The following GRIK1 variants were observed in gnomAD, a reference collection of about 807,000 sequenced individuals.
The protein encoded by GRIK1 is glutamate ionotropic receptor kainate type subunit 1, also known as glutamate receptor ionotropic, kainate 1.
A neutral mutation model predicts 105.7 loss-of-function variants in GRIK1; 69 were observed. The ratio of observed to expected loss-of-function variants is 0.65; its 90% confidence interval spans 0.54 to 0.80. The LOEUF (loss-of-function observed/expected upper bound fraction) is 0.80, where lower values mean the gene tolerates loss of function less well. GRIK1 is among the 30% of genes least tolerant of loss of function. The pLI, the probability that GRIK1 is intolerant of heterozygous loss-of-function variation, is 0.00. For synonymous variants in GRIK1, 438 were observed against 431.3 expected, an observed-to-expected ratio of 1.02 and a Z score of -0.19; for missense variants, 1,109 against 1,167.3, an observed-to-expected ratio of 0.95 and a Z score of 0.73.
chr21:29,853,088 A>T (rs1249293783), intron 1 of GRIK1, among the ~76,000 whole-genome samples: 1 of 152,222 alleles, frequency 6.6e-6, no homozygotes, highest in Non-Finnish European at 1.5e-5. Flanking sequence ...GCCTCACTGA[A>T]CAATTTAAGT....
intron 1 of GRIK1, among the ~76,000 whole-genome samples, chr21:29,859,585 G>T (rs1168987142): frequency 6.6e-6 from 1 of 152,186 alleles, no homozygotes; most frequent in Non-Finnish European, 1.5e-5. Context: ...GGGAAGGTAA[G>T]ACTGCAAGGC....
At chr21:29,825,337 T>C (rs1328067394) in intron 1 of GRIK1, among the ~76,000 whole-genome samples, 1 of 152,030 alleles carries the variant, frequency 6.6e-6, no homozygotes, top group Non-Finnish European at 1.5e-5. Context: ...TTGGGTGATT[T>C]AGAAGTTAGT....
At chr21:29,811,688 C>G (rs776125935) in intron 1 of GRIK1, among the ~76,000 whole-genome samples, 4 of 152,120 alleles carry the variant, frequency 2.6e-5, no homozygotes, top group Admixed American at 6.6e-5. Flanking sequence ...AGGAATCTTG[C>G]TCATCCTCAC....
chr21:29,937,616 G>A (rs898208245), intron 1 of GRIK1, among the ~76,000 whole-genome samples: 1 of 152,112 alleles, frequency 6.6e-6, no homozygotes, highest in Non-Finnish European at 1.5e-5. Flanking sequence ...TATAGGAAAG[G>A]AAAATGCTAC....
chr21:29,844,155 T>A (rs1458997513), intron 1 of GRIK1, among the ~76,000 whole-genome samples: 1 of 152,228 alleles, frequency 6.6e-6, no homozygotes, highest in African/African-American at 2.4e-5. Context: ...ATTGCATTTT[T>A]TTTCCTTTGG....
rs895331411 is a variant in GRIK1 at position 29,861,314 on chromosome 21, T to TC, written c.118+78068_118+78069insG. ...TGTAGCTTTTTGTACTTACTCTTTT[T>TC]TTTTCTTTTGGAGACAGGGTCTCAC... On this transcript the variant is annotated intron_variant, in intron 1 of 17. Coordinates refer to ENST00000327783, the MANE Select transcript of GRIK1 (RefSeq NM_001330994.2). Among the ~76,000 whole-genome samples the TC allele has an allele frequency of 6.7e-4, 101 of 151,446 alleles. No homozygotes were observed. In the East Asian group the frequency reaches 0.013, roughly 20 times the overall value.
intron 7 of GRIK1, among the ~76,000 whole-genome samples, chr21:29,604,345 G>A (rs935014855): frequency 7.2e-5 from 11 of 152,172 alleles, no homozygotes; most frequent in East Asian, 3.9e-4. Flanking sequence ...GACCTTCAAC[G>A]TCAAATTTCC....
intron 16 of GRIK1, among the ~76,000 whole-genome samples, chr21:29,545,918 A>G (rs1012996755): frequency 6.6e-6 from 1 of 152,162 alleles, no homozygotes. Flanking sequence ...TTTTGGTTTA[A>G]AATGCTTTCT....
intron 1 of GRIK1, among the ~76,000 whole-genome samples, chr21:29,812,676 C>G (rs1179980789): frequency 6.6e-6 from 1 of 152,144 alleles, no homozygotes; most frequent in Non-Finnish European, 1.5e-5. Flanking sequence ...CCAGCACTAG[C>G]TCATTGTGAA....
At chr21:29,742,848 A>AT (rs1263858059) in intron 1 of GRIK1, among the ~76,000 whole-genome samples, 4 of 152,206 alleles carry the variant, frequency 2.6e-5, no homozygotes, top group East Asian at 1.9e-4. Context: ...TAAAAAGAAC[A>AT]TTTTTTTCTC....
At chr21:29,846,250 G>GA (rs2068108259) in intron 1 of GRIK1, among the ~76,000 whole-genome samples, 1 of 80,554 alleles carries the variant, frequency 1.2e-5, no homozygotes, top group Non-Finnish European at 3.4e-5. Flanking sequence ...TTAGCCGGGC[G>GA]CGTGGCGCAT....
At chr21:29,630,353 G>A (rs1443780305) in intron 7 of GRIK1, among the ~76,000 whole-genome samples, 1 of 152,106 alleles carries the variant, frequency 6.6e-6, no homozygotes, top group Non-Finnish European at 1.5e-5. Context: ...AATATGGTGG[G>A]TGTCATTCTA....
chr21:29,679,565 G>C (rs991358444), intron 3 of GRIK1, among the ~76,000 whole-genome samples: 2 of 152,088 alleles, frequency 1.3e-5, no homozygotes, highest in African/African-American at 4.8e-5. Flanking sequence ...ATAGATATCT[G>C]AAACTCAAAC....
chr21:29,831,970 G>A (rs930417543), intron 1 of GRIK1, among the ~76,000 whole-genome samples: 2 of 152,172 alleles, frequency 1.3e-5, no homozygotes, highest in Non-Finnish European at 1.5e-5. Flanking sequence ...TTACTTCCAA[G>A]ATACAATGGT....
At chr21:29,712,772 C>T (rs771133819) in intron 1 of GRIK1, among the ~76,000 whole-genome samples, 1 of 152,190 alleles carries the variant, frequency 6.6e-6, no homozygotes, top group Non-Finnish European at 1.5e-5. Context: ...CTTCCAATTA[C>T]AGTTGCAGAT....
In GRIK1 at chr21:29,555,082, G is replaced by A; in HGVS notation, c.2577C>T (p.Tyr859=). The A allele has an allele frequency of 6.2e-7, 1 of 1,610,220 alleles. No homozygotes were observed. ...SVFVAIGEFI[Y]KSRKNNDIEQ... ...CAATATCATTATTCTTCCGTGATTT[G>A]TATATGAATTCTCCAATAGCTACAA... is the stretch of plus-strand genomic sequence containing the variant. The change falls in exon 16 of 18, where the codon TAC becomes TAT. Residue 859 remains tyrosine (Y), a synonymous_variant. Coordinates refer to ENST00000327783, the MANE Select transcript of GRIK1 (RefSeq NM_001330994.2).
At chr21:29,890,776 T>A (rs1170065291) in intron 1 of GRIK1, among the ~76,000 whole-genome samples, 1 of 152,044 alleles carries the variant, frequency 6.6e-6, no homozygotes, top group Non-Finnish European at 1.5e-5. Context: ...CACACATACA[T>A]AGACACGCAC....
chr21:29,797,393 T>C (rs540584691), intron 1 of GRIK1, among the ~76,000 whole-genome samples: 2 of 152,328 alleles, frequency 1.3e-5, no homozygotes, highest in South Asian at 4.1e-4. Flanking sequence ...TGTGACAGGC[T>C]GCCATGAACA....
At chr21:29,579,568 T>C (rs1009836782) in intron 13 of GRIK1, among the ~76,000 whole-genome samples, 3 of 152,178 alleles carry the variant, frequency 2.0e-5, no homozygotes, top group African/African-American at 7.2e-5. Context: ...TGTTTTCCAA[T>C]TGAGTACAGT....
Sources: allele counts gnomAD v4.1 joint callset (sites outside exome capture counted in the v4.1 genomes callset), GRCh38; gene constraint gnomAD v4.1.1; transcripts MANE v1.5; gene names NCBI Gene and HGNC (gene_info 2026-07-23, HGNC 2026-07-21).